The following ADAMTSL1 variants were observed in gnomAD, a reference collection of about 807,000 sequenced individuals.
ADAMTSL1 encodes ADAMTS like 1, also known as ADAMTS-like protein 1.
A neutral mutation model predicts 201.8 loss-of-function variants in ADAMTSL1; 126 were observed. The ratio of observed to expected loss-of-function variants is 0.62; its 90% CI spans 0.54 to 0.72. ADAMTSL1 has a LOEUF of 0.72. Among genes scored for constraint, ADAMTSL1 ranks in the 30% least tolerant of loss-of-function variants. The probability of loss-of-function intolerance (pLI) is 0.00; values close to 1 mark genes in which losing one functional copy is unlikely to be tolerated. For missense variants in ADAMTSL1, 2,679 were observed against 2,277.8 expected, an observed-to-expected ratio of 1.18 and a Z score of -3.59; for synonymous variants, 1,121 against 903.4, an observed-to-expected ratio of 1.24 and a Z score of -4.32.
intron 1 of ADAMTSL1, among the ~76,000 whole-genome samples, chr9:18,029,212 C>T (rs903133347): frequency 1.8e-4 from 27 of 152,052 alleles, no homozygotes; most frequent in Non-Finnish European, 3.5e-4. Context: ...TGCAAACGGA[C>T]AATTTGACTT....
chr9:18,692,065 G>A (rs1043943723), intron 13 of ADAMTSL1, among the ~76,000 whole-genome samples: 3 of 152,168 alleles, frequency 2.0e-5, no homozygotes, highest in Non-Finnish European at 2.9e-5. Context: ...AACTCAGCTA[G>A]TGGGTTCCCA....
Position 18,843,802 on chromosome 9 carries a change from T to C in ADAMTSL1, c.4249+13825T>C, listed in dbSNP as rs577526433. On this transcript the variant is annotated intron_variant, in intron 23 of 28. Transcript: ENST00000380548. ...CATTCATTTGATCTTCAATCACTGA[T>C]ACCCTTTCTTCCAGTTGATCACATC... Among the ~76,000 whole-genome samples the C allele has an allele frequency of 2.0e-5, 3 of 151,186 alleles. 1 individual carries two copies. The highest frequency in any genetic ancestry group is 4.9e-5 in the African/African-American group (2 of 40,446).
chr9:17,989,033 A>T (rs1819039588), intron 1 of ADAMTSL1, among the ~76,000 whole-genome samples: 1 of 151,964 alleles, frequency 6.6e-6, no homozygotes, highest in South Asian at 2.1e-4. Flanking sequence ...CCTCTTGGAA[A>T]GTGATTATAC....
At chr9:18,858,962 G>A (rs1369086490) in intron 23 of ADAMTSL1, among the ~76,000 whole-genome samples, 1 of 152,090 alleles carries the variant, frequency 6.6e-6, no homozygotes, top group Non-Finnish European at 1.5e-5. Context: ...TTAACTACTT[G>A]CTCTACATCA....
At chr9:18,558,377 T>C (rs1821242709) in intron 3 of ADAMTSL1, among the ~76,000 whole-genome samples, 1 of 152,244 alleles carries the variant, frequency 6.6e-6, no homozygotes, top group African/African-American at 2.4e-5. Context: ...ACATGTTATA[T>C]ATGTGTCACA....
intron 15 of ADAMTSL1, among the ~76,000 whole-genome samples, chr9:18,738,215 C>T (rs529502025): frequency 2.0e-5 from 3 of 152,272 alleles, no homozygotes; most frequent in South Asian, 4.1e-4. Flanking sequence ...GATTTTCTTA[C>T]AGCCGTGCTG....
chr9:18,458,405 A>G (rs917031347), intron 2 of ADAMTSL1, among the ~76,000 whole-genome samples: 3 of 152,190 alleles, frequency 2.0e-5, no homozygotes, highest in African/African-American at 7.2e-5. Context: ...GATGAAATTG[A>G]CTTCATGACC....
chr9:18,526,738 C>T (rs1370837549), intron 2 of ADAMTSL1, among the ~76,000 whole-genome samples: 2 of 152,116 alleles, frequency 1.3e-5, no homozygotes, highest in Non-Finnish European at 2.9e-5. Context: ...TCATTGGGGG[C>T]AACCTCCTGC....
intron 2 of ADAMTSL1, among the ~76,000 whole-genome samples, chr9:18,289,574 G>T (rs1261155690): frequency 6.6e-6 from 1 of 152,222 alleles, no homozygotes; most frequent in Non-Finnish European, 1.5e-5. Flanking sequence ...TAACAGGGAA[G>T]ACTGCTCAGT....
intron 2 of ADAMTSL1, among the ~76,000 whole-genome samples, chr9:18,246,138 G>A (rs892147092): frequency 1.1e-4 from 17 of 151,986 alleles, no homozygotes; most frequent in East Asian, 1.9e-4. Flanking sequence ...TTTAATAACC[G>A]TGTCATCCTC....
intron 1 of ADAMTSL1, among the ~76,000 whole-genome samples, chr9:18,105,174 C>G (rs1351925600): frequency 1.3e-5 from 2 of 152,150 alleles, no homozygotes; most frequent in Non-Finnish European, 2.9e-5. Context: ...GTTGTCTCAC[C>G]TGTAAAACAA....
chr9:18,805,659 T>G (rs1004048264), intron 20 of ADAMTSL1, among the ~76,000 whole-genome samples: 1 of 152,220 alleles, frequency 6.6e-6, no homozygotes, highest in Non-Finnish European at 1.5e-5. Flanking sequence ...ACCTAACCTG[T>G]AGACAGCCCT....
intron 2 of ADAMTSL1, among the ~76,000 whole-genome samples, chr9:18,257,362 T>C (rs1449457916): frequency 6.6e-6 from 1 of 152,192 alleles, no homozygotes; most frequent in African/African-American, 2.4e-5. Context: ...TGCAATGGAC[T>C]TGAATAGACA....
At chr9:18,193,964 T>C (rs911109578) in intron 2 of ADAMTSL1, among the ~76,000 whole-genome samples, 1 of 152,202 alleles carries the variant, frequency 6.6e-6, no homozygotes, top group African/African-American at 2.4e-5. Flanking sequence ...TAGTGCTATT[T>C]AGTAGCTTCT....
chr9:17,982,305 A>G (rs992533110), intron 1 of ADAMTSL1, among the ~76,000 whole-genome samples: 7 of 152,154 alleles, frequency 4.6e-5, no homozygotes, highest in African/African-American at 1.7e-4. Flanking sequence ...AGATGGAAAG[A>G]CTATGAATAC....
intron 2 of ADAMTSL1, among the ~76,000 whole-genome samples, chr9:18,358,856 T>G (rs976194087): frequency 6.6e-6 from 1 of 152,230 alleles, no homozygotes; most frequent in Non-Finnish European, 1.5e-5. Context: ...GGGTTTTGTG[T>G]GAACTTACAT....
At chr9:18,058,911 A>G (rs1822319910) in intron 1 of ADAMTSL1, among the ~76,000 whole-genome samples, 1 of 152,208 alleles carries the variant, frequency 6.6e-6, no homozygotes, top group South Asian at 2.1e-4. Flanking sequence ...ATGAGCTTCT[A>G]CATTGAAAGC....
chr9:18,044,586 C>T (rs968793678), intron 1 of ADAMTSL1, among the ~76,000 whole-genome samples: 7 of 152,128 alleles, frequency 4.6e-5, no homozygotes, highest in Non-Finnish European at 8.8e-5. Context: ...TAGCATCTTA[C>T]TACCAATTAG....
intron 1 of ADAMTSL1, among the ~76,000 whole-genome samples, chr9:18,142,238 CACA>C (rs1319621918): frequency 6.7e-6 from 1 of 148,280 alleles, no homozygotes; most frequent in Non-Finnish European, 1.5e-5. Flanking sequence ...CCATGCTCCA[CACA>C]CAGAGCTCAC....
Sources: allele counts gnomAD v4.1 joint callset (sites outside exome capture counted in the v4.1 genomes callset), GRCh38; gene constraint gnomAD v4.1.1; transcripts MANE v1.5; gene names NCBI Gene and HGNC (gene_info 2026-07-23, HGNC 2026-07-21).